The following FXR1 variants were observed in gnomAD, a reference collection of about 807,000 sequenced individuals.
FXR1 encodes RNA-binding protein FXR1.
Under a neutral mutation model 84.0 loss-of-function variants are expected in FXR1, and 15 were observed. That is an observed-to-expected ratio of 0.18 (90% CI 0.12 to 0.27). The LOEUF is 0.27. Ranked by LOEUF, FXR1 falls within the 10% of genes least tolerant of loss-of-function variation. The pLI, the probability that FXR1 is intolerant of heterozygous loss-of-function variation, is 1.00. For missense variants in FXR1, 480 were observed against 774.4 expected, an observed-to-expected ratio of 0.62 and a Z score of 4.51; for synonymous variants, 245 against 250.7, an observed-to-expected ratio of 0.98 and a Z score of 0.21.
intron 2 of FXR1, 79 bp downstream of exon 2, chr3:180,933,465 C>T: frequency 1.3e-6 from 1 of 776,138 alleles, no homozygotes; most frequent in South Asian, 1.5e-5. Context: ...GTTCCTACTG[C>T]CAGTGGAAAA....
chr3:180,944,949 T>C (rs1009637718), intron 3 of FXR1, among the ~76,000 whole-genome samples: 1 of 152,246 alleles, frequency 6.6e-6, no homozygotes, highest in African/African-American at 2.4e-5. Flanking sequence ...AGTGAGGGTT[T>C]AAACATAGCA....
At chr3:180,921,845 G>T (rs114321351) in intron 1 of FXR1, among the ~76,000 whole-genome samples, 1 of 151,344 alleles carries the variant, frequency 6.6e-6, no homozygotes, top group Admixed American at 6.6e-5. Flanking sequence ...TTTTCCCCTG[G>T]TTGCTCTTCA....
At chr3:180,938,692 G>A (rs2108450717) in intron 3 of FXR1, among the ~76,000 whole-genome samples, 1 of 152,008 alleles carries the variant, frequency 6.6e-6, no homozygotes, top group African/African-American at 2.4e-5. Context: ...GGGATTACAG[G>A]CATGCGCCAT....
chr3:180,932,639 G>A (rs74974410), intron 1 of FXR1, among the ~76,000 whole-genome samples: 2,258 of 152,244 alleles, frequency 0.015, 23 homozygotes, highest in Non-Finnish European at 0.024. Context: ...TTGTTATTGA[G>A]AATCTGTATT....
intron 4 of FXR1, 104 bp from the exon 5 acceptor site, chr3:180,948,243 G>C: frequency 1.3e-6 from 1 of 765,600 alleles, no homozygotes; most frequent in Non-Finnish European, 2.2e-6. Flanking sequence ...TATGCCACAT[G>C]GGGGAGGGTC....
At chr3:180,967,501 A>T (rs1338541500) in intron 13 of FXR1, among the ~76,000 whole-genome samples, 1 of 152,086 alleles carries the variant, frequency 6.6e-6, no homozygotes, top group Admixed American at 6.6e-5. Context: ...ACTAAAACCC[A>T]AATCAGCAGA....
At position 180,968,128 on chromosome 3, in the gene FXR1, G is replaced by A. The variant is rs1713071104; in HGVS notation, c.1276G>A (p.Gly426Arg). The A allele has an allele frequency of 6.2e-7, 1 of 1,613,518 alleles. No individual in the cohort carries two copies. The highest frequency in any genetic ancestry group is 8.5e-7 in the Non-Finnish European group (1 of 1,179,444). The part of the protein sequence containing the change: ...KDELSDWSLA[G>R]EDDRDSRHQR... ...CGAGCTGAGTGATTGGTCATTGGCA[G>A]GAGAAGATGATCGAGACAGCCGACA... The change falls in exon 14 of 17, where the codon GGA becomes AGA. Residue 426 changes from glycine (G) to arginine (R), a missense_variant. By Grantham distance (125) the Gly-to-Arg change is moderately radical. Transcript: ENST00000357559.
intron 9 of FXR1, among the ~76,000 whole-genome samples, chr3:180,955,660 A>C (rs1722676402): frequency 6.6e-6 from 1 of 152,180 alleles, no homozygotes; most frequent in South Asian, 2.1e-4. Flanking sequence ...AGGTTTCCTC[A>C]CTTGTAAAAA....
At chr3:180,920,977 A>G (rs1718512008) in intron 1 of FXR1, among the ~76,000 whole-genome samples, 1 of 152,124 alleles carries the variant, frequency 6.6e-6, no homozygotes. Flanking sequence ...TCACATCCTC[A>G]TTGTCCTTTT....
intron 14 of FXR1, chr3:180,968,466 T>G (rs557618098): frequency 7.1e-6 from 3 of 421,568 alleles, no homozygotes; most frequent in African/African-American, 6.0e-5. Context: ...GTCAGAACTT[T>G]AGTTGGCAGC....
chr3:180,946,218 A>C (rs1721680410), intron 3 of FXR1, among the ~76,000 whole-genome samples: 1 of 152,216 alleles, frequency 6.6e-6, no homozygotes, highest in African/African-American at 2.4e-5. Context: ...GCAGTAAGGA[A>C]ACTGTATGAA....
At chr3:180,944,508 A>G (rs1034965000) in intron 3 of FXR1, among the ~76,000 whole-genome samples, 2 of 151,814 alleles carry the variant, frequency 1.3e-5, no homozygotes, top group African/African-American at 2.4e-5. Context: ...AATTTTTTTT[A>G]TAGAGACGAA....
Position 180,951,329 on chromosome 3 carries a change from A to G in FXR1, c.662A>G (p.Glu221Gly). The change falls in exon 8 of 17, where the codon GAG (glutamate) becomes GGG (glycine). Residue 221 changes from glutamate (E) to glycine (G), a missense_variant. This residue lies in a region of FXR1 where 136 missense variants were observed against 315.4 expected (regional missense o/e 0.43). Coordinates refer to ENST00000357559, the MANE Select transcript of FXR1 (RefSeq NM_005087.4). ...CTKQLAAAFH[E>G]EFVVREDLMG... is the part of the protein sequence containing the mutation. ...AAACAACTTGCAGCAGCTTTTCATG[A>G]GGAATTTGTTGTGAGAGAAGATTTA... 1 of 1,607,616 alleles carries G rather than the reference A, an allele frequency of 6.2e-7. No individual in the cohort carries two copies.
At chr3:180,932,382 G>T (rs1316795224) in intron 1 of FXR1, among the ~76,000 whole-genome samples, 1 of 152,150 alleles carries the variant, frequency 6.6e-6, no homozygotes, top group Non-Finnish European at 1.5e-5. Context: ...GTAATTTGCA[G>T]TTCTGATTCA....
At chr3:180,965,313 C>T (rs1712683859) in intron 13 of FXR1, among the ~76,000 whole-genome samples, 1 of 152,138 alleles carries the variant, frequency 6.6e-6, no homozygotes, top group Admixed American at 6.5e-5. Flanking sequence ...CCAGCCTGGC[C>T]TAGTGTCATT....
chr3:180,922,073 A>G (rs1307450517), intron 1 of FXR1, among the ~76,000 whole-genome samples: 1 of 152,244 alleles, frequency 6.6e-6, no homozygotes, highest in Non-Finnish European at 1.5e-5. Flanking sequence ...TTATATAATC[A>G]TAACAATGTA....
intron 3 of FXR1, among the ~76,000 whole-genome samples, chr3:180,941,420 T>C (rs902686497): frequency 6.6e-6 from 1 of 152,112 alleles, no homozygotes; most frequent in Non-Finnish European, 1.5e-5. Context: ...CTTGAACTCC[T>C]GGGCTCAAGC....
rs1037952762 is a variant in FXR1, at chr3:180,912,868, C to T, written c.51+132C>T. On this transcript the variant is annotated intron_variant, in intron 1 of 16. Transcript: ENST00000357559. ...GCCAAAGCTCGAGGCCGCTGGATTCCTTGCTTCTCCCCCCTCCACCCGCGG... is the reference window on the plus strand; with the variant it reads ...GCCAAAGCTCGAGGCCGCTGGATTCTTTGCTTCTCCCCCCTCCACCCGCGG... 6 of 1,518,816 alleles carry T rather than the reference C, an allele frequency of 4.0e-6. No homozygotes were observed. The Admixed American group carries it at 7.1e-5, about 18-fold the overall frequency. 94.1% of individuals were successfully genotyped at this position (1,518,816 alleles called of 1,614,324 possible). A position where few individuals can be genotyped will look rare whatever the true frequency, so the allele number is the denominator to read the frequency against.
rs1714343174 is a variant in FXR1 at position 180,977,458 on chromosome 3, CAAT to C, written c.*1167_*1169del. 6.6e-6 allele frequency: 1 copy of C among 151,996 alleles called. No homozygotes were observed. Among genetic ancestry groups the C allele is most frequent in the East Asian group, 1.9e-4 (1 of 5,190 alleles). 9.4% of individuals were successfully genotyped at this position (151,996 alleles called of 1,614,324 possible). On this transcript the variant is annotated 3_prime_UTR_variant, in exon 17 of 17. Coordinates refer to ENST00000357559, the MANE Select transcript of FXR1 (RefSeq NM_005087.4). ...AATGGGGGATAGAAGGGATGACAAGCAATTTTTAAATAATAGGCCAATGATTTG... is the reference window on the plus strand; with the variant it reads ...AATGGGGGATAGAAGGGATGACAAGCTTTTAAATAATAGGCCAATGATTTG...
Sources: allele counts gnomAD v4.1 joint callset (sites outside exome capture counted in the v4.1 genomes callset), GRCh38; gene constraint gnomAD v4.1.1; regional missense constraint gnomAD v4.1.1; transcripts MANE v1.5; gene names NCBI Gene and HGNC (gene_info 2026-07-23, HGNC 2026-07-21).